The following PPP2R5D variants were observed in gnomAD, a reference collection of about 807,000 sequenced individuals.
PPP2R5D encodes protein phosphatase 2 regulatory subunit B'delta, also known as serine/threonine-protein phosphatase 2A 56 kDa regulatory subunit delta isoform.
A neutral mutation model predicts 79.1 loss-of-function variants in PPP2R5D; 12 were observed. The ratio of observed to expected loss-of-function variants is 0.15; its 90% CI spans 0.10 to 0.25. The LOEUF is 0.25. Among genes scored for constraint, PPP2R5D ranks in the 10% least tolerant of loss-of-function variants. PPP2R5D has a pLI of 1.00. For synonymous variants in PPP2R5D, 277 were observed against 286.6 expected (o/e 0.97, Z 0.34); for missense variants, 419 against 760.2 (o/e 0.55, Z 5.28).
chr6:43,000,995 G>A (rs1025088927), intron 2 of PPP2R5D, among the ~76,000 whole-genome samples: 3 of 152,184 alleles, frequency 2.0e-5, no homozygotes, highest in Admixed American at 6.5e-5. Flanking sequence ...TGTCACTAGG[G>A]GGTGAGCAGT....
In PPP2R5D at chr6:43,010,924, CGAT is replaced by C; in HGVS notation, c.1600_1602del (p.Met534del). On this transcript the variant is annotated inframe_deletion, in exon 15 of 16. Transcript: ENST00000485511. The surrounding 1 kb of genome is among the most constrained non-coding windows in gnomAD (Gnocchi z 4.7). ...CCTCCACCACTGCCCCCTGTGTACTCGATGGAGACAGAGACCCCCACAGCTGAG... is the reference window on the plus strand; with the variant it reads ...CCTCCACCACTGCCCCCTGTGTACTCGGAGACAGAGACCCCCACAGCTGAG... The C allele has an allele frequency of 6.2e-7, 1 of 1,614,088 alleles. No homozygotes were observed.
chr6:42,987,271 G>T (rs183287227), intron 1 of PPP2R5D, among the ~76,000 whole-genome samples: 14 of 152,238 alleles, frequency 9.2e-5, no homozygotes, highest in African/African-American at 3.4e-4. Flanking sequence ...CTTTTCACAC[G>T]GTAAGTACGT....
chr6:42,998,058 T>TATATATA (rs1391790699), intron 2 of PPP2R5D, among the ~76,000 whole-genome samples: 3 of 10,688 alleles, frequency 2.8e-4, no homozygotes, highest in African/African-American at 3.0e-4. Flanking sequence ...TATATATATA[T>TATATATA]TTTTTTTTTT....
chr6:42,984,748 G>A (rs1236909991), intron 1 of PPP2R5D, 44 bp downstream of exon 1: 1 of 1,609,842 alleles, frequency 6.2e-7, no homozygotes, highest in South Asian at 1.1e-5. Context: ...TGGAGCCTGC[G>A]CGGAGCTCTG....
rs1762303290 is a variant in PPP2R5D, at chr6:43,010,610, C to T, written c.1481+41C>T. On this transcript the variant is annotated intron_variant, in intron 13 of 15. Transcript: ENST00000485511. This position sits in a 1 kb window ranked among gnomAD's most constrained non-coding sequence, Gnocchi z 4.7. ...CCCGGGAGACTTTCATCTTCTACCA[C>T]CAGCTCACTGTGTTTCTCTCAAGCC... 1.2e-6 allele frequency: 2 copies of T among 1,612,572 alleles called. No individual in the cohort carries two copies. Among genetic ancestry groups the T allele is most frequent in the Admixed American group, 1.7e-5 (1 of 60,002 alleles).
intron 1 of PPP2R5D, among the ~76,000 whole-genome samples, chr6:42,988,505 C>T (rs1433113837): frequency 6.6e-6 from 1 of 152,198 alleles, no homozygotes; most frequent in Non-Finnish European, 1.5e-5. Context: ...CAAGTTGCAT[C>T]CAAGGCATCC....
chr6:43,001,924 A>G (rs1772243242), intron 2 of PPP2R5D, among the ~76,000 whole-genome samples: 1 of 145,500 alleles, frequency 6.9e-6, no homozygotes, highest in Non-Finnish European at 1.5e-5. Context: ...TGACAGAGCC[A>G]GACTCTGTCT....
intron 2 of PPP2R5D, among the ~76,000 whole-genome samples, chr6:43,004,711 G>A (rs1362790632): frequency 3.4e-5 from 5 of 148,182 alleles, no homozygotes; most frequent in African/African-American, 7.4e-5. Flanking sequence ...TACTATGAAC[G>A]TGAAAATATT....
Position 43,007,929 on chromosome 6 carries a change from C to T in PPP2R5D, c.727-6C>T, listed in dbSNP as rs1581855478. On this transcript the variant is annotated splice_region_variant and splice_polypyrimidine_tract_variant and intron_variant, in intron 6 of 15. Transcript: ENST00000485511. The surrounding 1 kb of genome is among the most constrained non-coding windows in gnomAD (Gnocchi z 4.5). ...ACTGGCTGCTTTCCCTCCCTTGTAC[C>T]CCCAGCTCCTAGACCTATTTGACAG... is the stretch of plus-strand genomic sequence containing the variant. 8.1e-6 allele frequency: 13 copies of T among 1,614,026 alleles called. No homozygotes were observed. The highest frequency in any genetic ancestry group is 9.3e-6 in the Non-Finnish European group (11 of 1,179,892).
At position 43,007,145 on chromosome 6, in the gene PPP2R5D, G is replaced by A. The variant is rs760840131; in HGVS notation, c.522+35G>A. 5.0e-6 allele frequency: 8 copies of A among 1,614,144 alleles called. No homozygotes were observed. Among genetic ancestry groups the A allele is most frequent in the Non-Finnish European group, 6.8e-6 (8 of 1,179,986 alleles). The stretch of plus-strand genomic sequence containing the variant: ...GGGAAAGGACACAGGGGGGACTGGT[G>A]AGGGGCTCTGGAGAAGCCCAGGTGG... On this transcript the variant is annotated intron_variant, in intron 4 of 15. Coordinates refer to ENST00000485511, the MANE Select transcript of PPP2R5D (RefSeq NM_006245.4). This position sits in a 1 kb window ranked among gnomAD's most constrained non-coding sequence, Gnocchi z 4.5.
chr6:42,995,126 C>CTTTCTTTTTTTTTT (rs1437034798), intron 2 of PPP2R5D, among the ~76,000 whole-genome samples: 3 of 106,364 alleles, frequency 2.8e-5, no homozygotes, highest in African/African-American at 1.2e-4. Flanking sequence ...CTTTTTCTTT[C>CTTTCTTTTTTTTTT]TTTTTTTTTT....
Position 43,009,604 on chromosome 6 carries a change from C to T in PPP2R5D, c.1379+155C>T, listed in dbSNP as rs995313077. Among the ~76,000 whole-genome samples the T allele has an allele frequency of 6.6e-6, 1 of 152,110 alleles. No homozygotes were observed. Among genetic ancestry groups the T allele is most frequent in the African/African-American group, 2.4e-5 (1 of 41,416 alleles). ...TAGGACCTTGAGGGGCTGACTGGAGCGAAAAGATGCCTGTGTGCAAGATCT... is the reference window on the plus strand; with the variant it reads ...TAGGACCTTGAGGGGCTGACTGGAGTGAAAAGATGCCTGTGTGCAAGATCT... On this transcript the variant is annotated intron_variant, in intron 12 of 15. Coordinates refer to ENST00000485511, the MANE Select transcript of PPP2R5D (RefSeq NM_006245.4). This position sits in a 1 kb window ranked among gnomAD's most constrained non-coding sequence, Gnocchi z 5.6.
chr6:42,984,841 G>T (rs1770707854), intron 1 of PPP2R5D, 137 bp downstream of exon 1: 2 of 1,345,106 alleles, frequency 1.5e-6, no homozygotes, highest in South Asian at 1.5e-5. Context: ...CCAGCCCTCC[G>T]CCCCCGCGGC....
At chr6:42,998,017 A>T (rs1211291361) in intron 2 of PPP2R5D, among the ~76,000 whole-genome samples, 4 of 5,974 alleles carry the variant, frequency 6.7e-4, no homozygotes, top group South Asian at 6.9e-3. Flanking sequence ...GGTTTTATTT[A>T]TATATATATA....
intron 2 of PPP2R5D, among the ~76,000 whole-genome samples, chr6:42,991,666 A>G (rs1399932498): frequency 6.6e-6 from 1 of 152,212 alleles, no homozygotes; most frequent in Non-Finnish European, 1.5e-5. Flanking sequence ...TAGTGAGTGA[A>G]TGAGTGAACG....
At chr6:42,995,324 TTTC>T (rs1271635161) in intron 2 of PPP2R5D, among the ~76,000 whole-genome samples, 1 of 151,152 alleles carries the variant, frequency 6.6e-6, no homozygotes, top group African/African-American at 2.4e-5. Context: ...TAGAGATAGG[TTTC>T]TTATTATGTT....
At chr6:42,988,474 C>T (rs971280404) in intron 1 of PPP2R5D, among the ~76,000 whole-genome samples, 8 of 152,186 alleles carry the variant, frequency 5.3e-5, no homozygotes, top group South Asian at 2.1e-4. Context: ...CCATTGCTCT[C>T]GTGCCTCTGG....
intron 2 of PPP2R5D, among the ~76,000 whole-genome samples, 187 bp downstream of exon 2, chr6:42,989,875 C>T (rs1440658870): frequency 6.6e-6 from 1 of 152,242 alleles, no homozygotes; most frequent in Non-Finnish European, 1.5e-5. Flanking sequence ...AGACCAAATA[C>T]ATTCTCTAGT....
chr6:43,011,146 C>T lies in PPP2R5D; in HGVS notation c.1672-3C>T. Reference sequence around the variant, plus strand: ...TCCTCACCTTGTCCCTATTCACACACAGATGCTAAAAGACATCAAGAAGGA... The same window carrying T: ...TCCTCACCTTGTCCCTATTCACACATAGATGCTAAAAGACATCAAGAAGGA... On this transcript the variant is annotated splice_polypyrimidine_tract_variant and splice_region_variant and intron_variant, in intron 15 of 15. Transcript: ENST00000485511. 2 of 1,614,146 alleles carry T rather than the reference C, an allele frequency of 1.2e-6. No homozygotes were observed. The highest frequency in any genetic ancestry group is 1.7e-6 in the Non-Finnish European group (2 of 1,179,998).
Sources: allele counts gnomAD v4.1 joint callset (sites outside exome capture counted in the v4.1 genomes callset), GRCh38; gene constraint gnomAD v4.1.1; non-coding constraint Gnocchi (gnomAD v3.1); transcripts MANE v1.5; gene names NCBI Gene and HGNC (gene_info 2026-07-23, HGNC 2026-07-21).